Variants in WDR81 observed in about 807,000 individuals in gnomAD.
The protein encoded by WDR81 is WD repeat-containing protein 81.
Under a neutral mutation model 140.8 loss-of-function variants are expected in WDR81, and 92 were observed. The ratio of observed to expected loss-of-function variants is 0.65; its 90% CI spans 0.55 to 0.78. WDR81 has a LOEUF of 0.78. Ranked by LOEUF, WDR81 falls within the 30% of genes least tolerant of loss-of-function variation. The pLI is 0.00. For missense variants in WDR81, 2,502 were observed against 2,636.4 expected, an observed-to-expected ratio of 0.95 and a Z score of 1.12; for synonymous variants, 1,183 against 1,156.4, an observed-to-expected ratio of 1.02 and a Z score of -0.47.
At chr17:1,716,935 A>T (rs1914599223) in intron 1 of WDR81, 2 of 506,956 alleles carry the variant, frequency 3.9e-6, no homozygotes, top group Admixed American at 3.7e-5. Flanking sequence ...TCCTAACCAC[A>T]GGAGGCTTTT....
upstream of WDR81, among the ~76,000 whole-genome samples, chr17:1,721,388 C>T (rs778693181): frequency 1.3e-5 from 2 of 151,606 alleles, no homozygotes; most frequent in Non-Finnish European, 2.9e-5. Context: ...GGCTTGGTGA[C>T]GCTGCCTGTA....
rs562030757 is a variant in WDR81, at chr17:1,726,562, C to T, written c.1603C>T (p.Arg535Cys). Residue 535 changes from arginine (R) to cysteine (C), a missense_variant, in exon 1 of 10, where the codon CGC becomes TGC. By Grantham distance (180) the Arg-to-Cys change is radical. Transcript: ENST00000409644. ...TGCCCACCGAGCCCTGCTGGAGAGC[C>T]GCGAGGTATCCCGGGACCTGCACCA... ...VAAHRALLES[R>C]EVSRDLHHWI... is the part of the protein sequence containing the mutation. The T allele has an allele frequency of 1.3e-5, 20 of 1,550,356 alleles. No individual in the cohort carries two copies. The African/African-American group carries it at 1.4e-4, about 11-fold the overall frequency.
intron 2 of WDR81, 66 bp from the exon 3 acceptor site, chr17:1,730,689 C>T: frequency 1.3e-6 from 2 of 1,528,846 alleles, no homozygotes; most frequent in Non-Finnish European, 8.8e-7. Context: ...CCAGCACAGC[C>T]CTGCAGGGCC....
chr17:1,737,486 A>G lies in WDR81; in HGVS notation c.5627A>G (p.Asp1876Gly), dbSNP rs1904978393. The G allele has an allele frequency of 6.2e-7, 1 of 1,613,184 alleles. No individual in the cohort carries two copies. The highest frequency in any genetic ancestry group is 2.2e-5 in the East Asian group (1 of 44,888). ...GCATCCGACCCCATCCACACCTTTG[A>G]CCTGTACGGCAGCGAGGTGGTCACT... is the stretch of plus-strand genomic sequence containing the variant. The part of the protein sequence containing the change: ...KSASDPIHTF[D>G]LYGSEVVTGT... Residue 1876 changes from aspartate to glycine, a missense_variant, in exon 10 of 10, where the codon GAC becomes GGC. Around this residue, in one of 3 missense-constraint regions of WDR81, gnomAD observed 1,737 missense variants for 1,843.0 expected, o/e 0.94. Coordinates refer to ENST00000409644, the MANE Select transcript of WDR81 (RefSeq NM_001163809.2).
rs769288215 is a variant in WDR81 at position 1,726,814 on chromosome 17, C to T, written c.1855C>T (p.Arg619Trp). 37 of 1,549,608 alleles carry T rather than the reference C, an allele frequency of 2.4e-5. No homozygotes were observed. In the South Asian group the frequency reaches 2.7e-4, roughly 11 times the overall value. ...LVQTIQETTG[R>W]EDFTENPGQL... ...CCAGACCATCCAGGAGACCACAGGCCGGGAGGACTTCACGGAAAACCCGGG... is the reference window on the plus strand; with the variant it reads ...CCAGACCATCCAGGAGACCACAGGCTGGGAGGACTTCACGGAAAACCCGGG... Residue 619 changes from arginine (R) to tryptophan (W), a missense_variant, in exon 1 of 10, where the codon CGG becomes TGG. Around this residue, in one of 3 missense-constraint regions of WDR81, gnomAD observed 1,737 missense variants for 1,843.0 expected, o/e 0.94. Coordinates refer to ENST00000409644, the MANE Select transcript of WDR81 (RefSeq NM_001163809.2).
intron 1 of WDR81, among the ~76,000 whole-genome samples, chr17:1,729,701 G>A (rs965255809): frequency 2.6e-5 from 4 of 151,966 alleles, no homozygotes; most frequent in African/African-American, 4.8e-5. Flanking sequence ...GGTGCTTCAC[G>A]CCTGTAATCC....
At chr17:1,729,957 C>T (rs1915563628) in intron 1 of WDR81, among the ~76,000 whole-genome samples, 1 of 149,374 alleles carries the variant, frequency 6.7e-6, no homozygotes, top group African/African-American at 2.5e-5. Context: ...TGCCATTGCA[C>T]TCCAGCCTGG....
chr17:1,725,225 C>T lies in WDR81; in HGVS notation c.266C>T (p.Thr89Ile), dbSNP rs566884021. The T allele has an allele frequency of 1.4e-5, 22 of 1,540,216 alleles. No individual in the cohort carries two copies. Among genetic ancestry groups the T allele is most frequent in the Non-Finnish European group, 1.7e-5 (20 of 1,146,872 alleles). The change falls in exon 1 of 10, where the codon ACT (threonine) becomes ATT (isoleucine). Residue 89 changes from threonine to isoleucine, a missense_variant. Coordinates refer to ENST00000409644, the MANE Select transcript of WDR81 (RefSeq NM_001163809.2). ...AEGLGEAEVR[T>I]LLQRSVQRLP... ...GGCCTGGGAGAAGCGGAAGTCAGGA[C>T]TCTCCTGCAGCGCTCTGTGCAAAGG...
chr17:1,737,777 G>A lies in WDR81; in HGVS notation c.*92G>A, dbSNP rs1905016343. On this transcript the variant is annotated 3_prime_UTR_variant, in exon 10 of 10. Transcript: ENST00000409644. ...TCCCTGAGCAGCAGCTCCCTCCAGG[G>A]AGGCCCTGGGTCCCACGCCCTGGGT... The A allele has an allele frequency of 1.4e-6, 2 of 1,455,814 alleles. No homozygotes were observed. Among genetic ancestry groups the A allele is most frequent in the South Asian group, 2.7e-5 (2 of 72,774 alleles). 90.2% of individuals were successfully genotyped at this position (1,455,814 alleles called of 1,614,324 possible).
At chr17:1,733,469 G>A (rs1286819506) in intron 6 of WDR81, 58 bp from the exon 7 acceptor site, 1 of 1,485,964 alleles carries the variant, frequency 6.7e-7, no homozygotes. Context: ...TCCTTGGATG[G>A]GTGATAGCAG....
chr17:1,732,194 A>ATG, intron 4 of WDR81, 131 bp from the exon 5 acceptor site: 3 of 1,274,448 alleles, frequency 2.4e-6, no homozygotes, highest in Non-Finnish European at 3.2e-6. Flanking sequence ...CCGAGATCGC[A>ATG]CCACTGCACT....
chr17:1,725,718 G>A lies in WDR81; in HGVS notation c.759G>A (p.Leu253=). 1 of 1,550,342 alleles carries A rather than the reference G, an allele frequency of 6.5e-7. No individual in the cohort carries two copies. The highest frequency in any genetic ancestry group is 1.2e-5 in the South Asian group (1 of 84,068). The change falls in exon 1 of 10, where the codon CTG becomes CTA. Residue 253 remains leucine, a synonymous_variant. Transcript: ENST00000409644. ...TGGTCACCTTCAGCCCTGCCAAGCTGACCAACAGCCAGGCCAAGGTGCTGT... is the reference window on the plus strand; with the variant it reads ...TGGTCACCTTCAGCCCTGCCAAGCTAACCAACAGCCAGGCCAAGGTGCTGT... ...HDVVTFSPAK[L]TNSQAKVLFI...
At position 1,725,856 on chromosome 17, in the gene WDR81, G is replaced by T. The variant is rs1376745521; in HGVS notation, c.897G>T (p.Leu299=). 1 of 1,550,742 alleles carries T rather than the reference G, an allele frequency of 6.4e-7. No homozygotes were observed. The highest frequency in any genetic ancestry group is 8.7e-7 in the Non-Finnish European group (1 of 1,146,876). Residue 299 remains leucine, a synonymous_variant, in exon 1 of 10, where the codon CTG becomes CTT. Coordinates refer to ENST00000409644, the MANE Select transcript of WDR81 (RefSeq NM_001163809.2). ...IAVDEKLCSE[L]RLDLSAYERP... The stretch of plus-strand genomic sequence containing the variant: ...TGGATGAGAAGCTTTGCAGCGAGCT[G>T]CGACTGGACCTGAGTGCTTATGAGA...
Position 1,727,432 on chromosome 17 carries a change from C to G in WDR81, c.2473C>G (p.Leu825Val). ...GTCTTTGCAGCCCGTGCTGGACACA[C>G]TCCTGCAGATGAGTGGCCCCGAAGT... ...PVSLQPVLDT[L>V]LQMSGPEVPM... is the part of the protein sequence containing the mutation. Residue 825 changes from leucine (L) to valine (V), a missense_variant, in exon 1 of 10, where the codon CTC (leucine) becomes GTC (valine). This residue lies in a region of WDR81 where 1,737 missense variants were observed against 1,843.0 expected (regional missense o/e 0.94). Transcript: ENST00000409644. The G allele has an allele frequency of 1.3e-6, 2 of 1,550,402 alleles. No individual in the cohort carries two copies. Among genetic ancestry groups the G allele is most frequent in the Non-Finnish European group, 1.7e-6 (2 of 1,147,004 alleles).
At chr17:1,729,013 C>T (rs1255918830) in intron 1 of WDR81, among the ~76,000 whole-genome samples, 1 of 152,164 alleles carries the variant, frequency 6.6e-6, no homozygotes, top group Non-Finnish European at 1.5e-5. Flanking sequence ...GGCAGAGCAC[C>T]TACTCTGTGC....
chr17:1,728,010 C>A lies in WDR81; in HGVS notation c.3051C>A (p.Ala1017=). The change falls in exon 1 of 10, where the codon GCC becomes GCA. Residue 1017 remains alanine (A), a synonymous_variant. Transcript: ENST00000409644. ...TGCAGGTGCTGGCGGGCGCAGAGGC[C>A]TCCCAGGAGGAGAGCAAGGACCTGG... ...HVLQVLAGAE[A]SQEESKDLAG... is the part of the protein sequence containing the mutation. 2 of 1,552,232 alleles carry A rather than the reference C, an allele frequency of 1.3e-6. No homozygotes were observed. Among genetic ancestry groups the A allele is most frequent in the Non-Finnish European group, 1.7e-6 (2 of 1,148,096 alleles).
In WDR81 at chr17:1,735,857, C is replaced by A; in HGVS notation, c.5325+140C>A. 7.3e-7 allele frequency: 1 copy of A among 1,374,320 alleles called. No individual in the cohort carries two copies. Among genetic ancestry groups the A allele is most frequent in the South Asian group, 1.4e-5 (1 of 69,272 alleles). The allele number at this position is 1,374,320 out of a possible 1,614,324, so 85.1% of individuals were successfully genotyped here. On this transcript the variant is annotated intron_variant, in intron 8 of 9. Coordinates refer to ENST00000409644, the MANE Select transcript of WDR81 (RefSeq NM_001163809.2). This position sits in a 1 kb window ranked among gnomAD's most constrained non-coding sequence, Gnocchi z 4.2. ...CTCTTTGGTGCTAGATCACCCACAG[C>A]CACACATCCTGCGGGGCAGGACTCT...
rs775809319 is a variant in WDR81 at position 1,732,350 on chromosome 17, A to G, written c.4183A>G (p.Thr1395Ala). ...TGFPSGAQAR[T>A]ILCVKTISLI... The stretch of plus-strand genomic sequence containing the variant: ...GTTCCCAAGTGGGGCCCAGGCTCGG[A>G]CCATCCTGTGTGTGAAAACCATCAG... The change falls in exon 5 of 10, where the codon ACC (threonine) becomes GCC (alanine). Residue 1395 changes from threonine (T) to alanine (A), a missense_variant. By Grantham distance (58) the Thr-to-Ala change is moderately conservative. Transcript: ENST00000409644. The G allele has an allele frequency of 4.5e-5, 73 of 1,613,138 alleles. No individual in the cohort carries two copies. Among genetic ancestry groups the G allele is most frequent in the Non-Finnish European group, 1.0e-5 (12 of 1,180,008 alleles).
intron 1 of WDR81, among the ~76,000 whole-genome samples, chr17:1,718,110 T>C (rs952545354): frequency 6.6e-6 from 1 of 151,800 alleles, no homozygotes; most frequent in African/African-American, 2.4e-5. Context: ...TCCACCTCCT[T>C]ATTTATTTTT....
Sources: gnomAD v4.1 joint callset for allele counts (sites outside exome capture counted in the v4.1 genomes callset) on GRCh38, gnomAD v4.1.1 for gene constraint, gnomAD v4.1.1 regional missense constraint, Gnocchi (gnomAD v3.1) non-coding constraint, MANE v1.5 for transcripts, NCBI Gene and HGNC (gene_info 2026-07-23, HGNC 2026-07-21) for gene names.